Variants in KSR1 observed in about 807,000 individuals in gnomAD.
KSR1 encodes the protein kinase suppressor of ras.
KSR1 carries 35 observed loss-of-function variants against 92.9 expected under a neutral mutation model. That is an observed-to-expected ratio of 0.38 (90% CI 0.29 to 0.50). KSR1 has a LOEUF of 0.50. Among genes scored for constraint, KSR1 ranks in the 20% least tolerant of loss-of-function variants. KSR1 has a pLI of 0.94. For missense variants in KSR1, 972 were observed against 1,158.5 expected (o/e 0.84, Z 2.34); for synonymous variants, 467 against 472.6 (o/e 0.99, Z 0.15).
Position 27,605,446 on chromosome 17 carries a change from G to T in KSR1, c.1627G>T (p.Glu543Ter). ...GCTCTCCTTTCAGGCTGAGGAGCCA[G>T]AGGCTGGCAAGTCAGAGGCAGAAGA... The part of the protein sequence containing the change: ...EAHEAEAEEP[E>*]AGKSEAEDDE... The change falls in exon 14 of 21, where the codon GAG (glutamate) becomes TAG (stop). Residue 543 changes from glutamate to a stop codon, truncating the protein, a stop_gained. Transcript: ENST00000644974. LOFTEE classifies it high-confidence loss of function. The T allele has an allele frequency of 6.2e-7, 1 of 1,610,036 alleles. No individual in the cohort carries two copies.
intron 6 of KSR1, 25 bp from the exon 7 acceptor site, chr17:27,590,775 CTGGTGCAAACA>C (rs1215691526): frequency 6.3e-7 from 1 of 1,584,764 alleles, no homozygotes; most frequent in Non-Finnish European, 8.6e-7. Context: ...GGCCTCCCAG[CTGGTGCAAACA>C]TGTGCCTGTG....
intron 2 of KSR1, among the ~76,000 whole-genome samples, chr17:27,571,418 T>C (rs762614767): frequency 2.4e-4 from 37 of 152,192 alleles, no homozygotes; most frequent in Non-Finnish European, 4.9e-4. Flanking sequence ...ATTTGAGACA[T>C]GTGGCTCCCA....
chr17:27,597,389 C>G lies in KSR1; in HGVS notation c.1421C>G (p.Pro474Arg). 1 of 1,613,346 alleles carries G rather than the reference C, an allele frequency of 6.2e-7. No individual in the cohort carries two copies. Among genetic ancestry groups the G allele is most frequent in the Non-Finnish European group, 8.5e-7 (1 of 1,179,482 alleles). ...TCCAACCCATCCAGCGCCACCACGCCCCCCAACCCCTCACCTGGCCAGCGG... is the reference window on the plus strand; with the variant it reads ...TCCAACCCATCCAGCGCCACCACGCGCCCCAACCCCTCACCTGGCCAGCGG... ...TSSNPSSATT[P>R]PNPSPGQRDS... The change falls in exon 10 of 21, where the codon CCC becomes CGC. Residue 474 changes from proline to arginine, a missense_variant. Around this residue, in one of 5 missense-constraint regions of KSR1, gnomAD observed 611 missense variants for 668.0 expected, o/e 0.91. Transcript: ENST00000644974.
intron 1 of KSR1, among the ~76,000 whole-genome samples, chr17:27,507,308 C>T (rs866687415): frequency 1.2e-4 from 19 of 152,108 alleles, no homozygotes; most frequent in Middle Eastern, 3.4e-3. Context: ...TGGCAGGGGC[C>T]TGTAATCCCA....
At chr17:27,492,903 A>G (rs1160658340) in intron 1 of KSR1, among the ~76,000 whole-genome samples, 2 of 152,238 alleles carry the variant, frequency 1.3e-5, no homozygotes, top group Admixed American at 6.5e-5. Context: ...GGTGCTCATT[A>G]AATGGTGTTA....
At position 27,603,846 on chromosome 17, in the gene KSR1, T is replaced by C; in HGVS notation, c.1523T>C (p.Phe508Ser). ...TTGTTTCCTCCAGACATTTCAGCCT[T>C]TGCACACGCAGCCCCGCTCCCTGAA... Reference protein sequence around the residue: ...QQFIFPDISAFAHAAPLPEAA... With the variant: ...QQFIFPDISASAHAAPLPEAA... Residue 508 changes from phenylalanine (F) to serine (S), a missense_variant, in exon 12 of 21, where the codon TTT (phenylalanine) becomes TCT (serine). Coordinates refer to ENST00000644974, the MANE Select transcript of KSR1 (RefSeq NM_001394583.1). 6.2e-7 allele frequency: 1 copy of C among 1,613,946 alleles called. No individual in the cohort carries two copies.
chr17:27,492,070 C>G (rs2068847784), intron 1 of KSR1, among the ~76,000 whole-genome samples: 1 of 152,148 alleles, frequency 6.6e-6, no homozygotes, highest in Non-Finnish European at 1.5e-5. Context: ...GATGGGACGC[C>G]TTTGCTGGAG....
intron 1 of KSR1, among the ~76,000 whole-genome samples, chr17:27,524,917 C>G (rs2948544): frequency 0.43 from 64,847 of 151,956 alleles, 14,935 homozygotes; most frequent in African/African-American, 0.6. Context: ...AGGTGGAAAA[C>G]GGTGGGGCAC....
Position 27,592,521 on chromosome 17 carries a change from A to G in KSR1, c.1194A>G (p.Leu398=). The G allele has an allele frequency of 6.2e-7, 1 of 1,613,950 alleles. No individual in the cohort carries two copies. The highest frequency in any genetic ancestry group is 8.5e-7 in the Non-Finnish European group (1 of 1,179,860). The part of the protein sequence containing the change: ...APACRISFLP[L]TRLRRTESVP... ...TGGGTTTTCCCTCTTTTCAAACAGT[A>G]ACTCGGCTTCGGAGGACAGAATCTG... The change falls in exon 9 of 21, where the codon CTA becomes CTG. Residue 398 remains leucine (L), a splice_region_variant and synonymous_variant. Transcript: ENST00000644974.
At chr17:27,582,385 G>C (rs1347809235) in intron 3 of KSR1, among the ~76,000 whole-genome samples, 4 of 152,178 alleles carry the variant, frequency 2.6e-5, no homozygotes, top group Admixed American at 6.5e-5. Flanking sequence ...CCAAGTTTTG[G>C]AGCGTTTTGG....
At chr17:27,484,540 TG>T (rs1239375031) in intron 1 of KSR1, among the ~76,000 whole-genome samples, 1 of 152,206 alleles carries the variant, frequency 6.6e-6, no homozygotes, top group Non-Finnish European at 1.5e-5. Context: ...ATTTATTTAG[TG>T]AACATTTATT....
intron 1 of KSR1, among the ~76,000 whole-genome samples, chr17:27,509,729 A>C (rs1007962907): frequency 1.3e-5 from 2 of 152,220 alleles, no homozygotes; most frequent in Non-Finnish European, 2.9e-5. Flanking sequence ...AGTCCCAGCT[A>C]CTTAGGAGGC....
intron 1 of KSR1, among the ~76,000 whole-genome samples, chr17:27,548,754 C>T (rs1249459812): frequency 6.6e-6 from 1 of 151,900 alleles, no homozygotes; most frequent in African/African-American, 2.4e-5. Flanking sequence ...CACTTAAACC[C>T]AGGAGGCGGA....
chr17:27,596,861 C>T (rs982436303), intron 9 of KSR1, among the ~76,000 whole-genome samples: 1 of 152,192 alleles, frequency 6.6e-6, no homozygotes, highest in Non-Finnish European at 1.5e-5. Context: ...GAGTATGTGA[C>T]GGTCACCCTG....
chr17:27,504,478 G>A (rs1476230998), intron 1 of KSR1, among the ~76,000 whole-genome samples: 2 of 152,176 alleles, frequency 1.3e-5, no homozygotes, highest in African/African-American at 2.4e-5. Context: ...GGGGTTTGAG[G>A]GTTCCGGGGA....
At chr17:27,475,015 T>C (rs2068296934) in intron 1 of KSR1, among the ~76,000 whole-genome samples, 1 of 152,088 alleles carries the variant, frequency 6.6e-6, no homozygotes, top group Non-Finnish European at 1.5e-5. Flanking sequence ...TGGTATAATT[T>C]AAAGTGAGGG....
intron 1 of KSR1, among the ~76,000 whole-genome samples, chr17:27,528,919 C>A (rs556382985): frequency 4.9e-4 from 75 of 151,940 alleles, no homozygotes; most frequent in African/African-American, 1.7e-3. Context: ...GAAAAAAAAA[C>A]CACAAAAATC....
intron 13 of KSR1, 51 bp from the exon 14 acceptor site, chr17:27,605,383 C>G: frequency 6.4e-7 from 1 of 1,559,278 alleles, no homozygotes; most frequent in South Asian, 1.2e-5. Context: ...GAAGAGACGT[C>G]GCAGAGCCCA....
In KSR1 at chr17:27,582,898, G is replaced by T. The variant is rs1467779704; in HGVS notation, c.773G>T (p.Gly258Val). Reference protein sequence around the residue: ...SDTCIPLHASGRLTPRALHSF... With the variant: ...SDTCIPLHASVRLTPRALHSF... ...ACCTGTATTCCCCTGCACGCCAGCG[G>T]CCGGCTGACCCCCCGTGCCCTGCAC... The change falls in exon 4 of 21, where the codon GGC becomes GTC. Residue 258 changes from glycine to valine, a missense_variant. Physicochemically the swap from Gly to Val is moderately radical, Grantham distance 109 (BLOSUM62 -3). Around this residue, in one of 5 missense-constraint regions of KSR1, gnomAD observed 611 missense variants for 668.0 expected, o/e 0.91. Transcript: ENST00000644974. The T allele has an allele frequency of 1.2e-6, 2 of 1,612,690 alleles. No homozygotes were observed. The highest frequency in any genetic ancestry group is 1.7e-6 in the Non-Finnish European group (2 of 1,179,420).
Sources: gnomAD v4.1 joint callset for allele counts (sites outside exome capture counted in the v4.1 genomes callset) on GRCh38, gnomAD v4.1.1 for gene constraint, gnomAD v4.1.1 regional missense constraint, MANE v1.5 for transcripts, NCBI Gene and HGNC (gene_info 2026-07-23, HGNC 2026-07-21) for gene names.